The following ASTN1 variants were observed in gnomAD, a reference collection of about 807,000 sequenced individuals.
ASTN1 encodes astrotactin 1.
Under a neutral mutation model 140.7 loss-of-function variants are expected in ASTN1, and 41 were observed. The ratio of observed to expected loss-of-function variants is 0.29; its 90% CI spans 0.23 to 0.38. The LOEUF is 0.38. Ranked by LOEUF, ASTN1 falls within the 10% of genes least tolerant of loss-of-function variation. The pLI, the probability that ASTN1 is intolerant of heterozygous loss-of-function variation, is 1.00. For missense variants in ASTN1, 1,479 were observed against 1,678.8 expected (o/e 0.88, Z 2.08); for synonymous variants, 640 against 652.2 (o/e 0.98, Z 0.29).
intron 1 of ASTN1, among the ~76,000 whole-genome samples, chr1:177,131,358 A>G (rs1052419466): frequency 1.3e-5 from 2 of 152,194 alleles, no homozygotes; most frequent in African/African-American, 4.8e-5. Context: ...GCAAAAAAAA[A>G]GTGAAATTTC....
chr1:177,124,238 C>T (rs866393413), intron 1 of ASTN1, among the ~76,000 whole-genome samples: 11 of 152,182 alleles, frequency 7.2e-5, no homozygotes, highest in African/African-American at 1.4e-4. Context: ...GGCAGTGGAG[C>T]GTCTACTCTA....
chr1:176,884,407 T>C lies in ASTN1; in HGVS notation c.3158A>G (p.Gln1053Arg). 6.2e-7 allele frequency: 1 copy of C among 1,614,224 alleles called. No individual in the cohort carries two copies. The highest frequency in any genetic ancestry group is 8.5e-7 in the Non-Finnish European group (1 of 1,180,030). Residue 1053 changes from glutamine (Q) to arginine (R), a missense_variant, in exon 19 of 23, where the codon CAG becomes CGG. By Grantham distance (43) the Gln-to-Arg change is conservative (BLOSUM62 1). Coordinates refer to ENST00000361833, the MANE Select transcript of ASTN1 (RefSeq NM_004319.3). ...WEHSEPPIGV[Q>R]IVDYLLRQEK... ...TTGACGGAGGAGGTAATCTACAATC[T>C]GCACCCCGATTGGTGGCTCTGAGTG... is the stretch of plus-strand genomic sequence containing the variant.
chr1:176,968,642 T>A (rs115450399), intron 8 of ASTN1, among the ~76,000 whole-genome samples: 1 of 152,334 alleles, frequency 6.6e-6, no homozygotes, highest in Non-Finnish European at 1.5e-5. Context: ...CCTAATTTCT[T>A]CCCTCTAGTC....
At chr1:176,935,353 G>A (rs1671397232) in intron 15 of ASTN1, among the ~76,000 whole-genome samples, 1 of 152,170 alleles carries the variant, frequency 6.6e-6, no homozygotes, top group Non-Finnish European at 1.5e-5. Context: ...TATGTAAATG[G>A]AGTAAAGTCT....
chr1:176,996,285 T>A (rs1413583087), intron 8 of ASTN1, among the ~76,000 whole-genome samples: 1,629 of 121,900 alleles, frequency 0.013, 36 homozygotes, highest in African/African-American at 0.044. Flanking sequence ...TCTCTCTCTC[T>A]CTCTCACACA....
intron 1 of ASTN1, among the ~76,000 whole-genome samples, chr1:177,070,101 G>A (rs1678565060): frequency 2.0e-5 from 3 of 152,154 alleles, no homozygotes; most frequent in South Asian, 4.1e-4. Context: ...ACATTGTAAT[G>A]AGAATAAGTC....
Position 176,861,411 on chromosome 1 carries a change from T to G in ASTN1, c.*2873A>C, listed in dbSNP as rs1001103351. On this transcript the variant is annotated 3_prime_UTR_variant, in exon 23 of 23. Transcript: ENST00000361833. Reference sequence around the variant, plus strand: ...GAGCTGGGAGAGTGTTGGTGGGATATAAGCACCTCCCTTAAGACCTGTTTG... The same window carrying G: ...GAGCTGGGAGAGTGTTGGTGGGATAGAAGCACCTCCCTTAAGACCTGTTTG... The G allele has an allele frequency of 3.1e-5, 31 of 985,704 alleles. No individual in the cohort carries two copies. The highest frequency in any genetic ancestry group is 3.6e-5 in the Non-Finnish European group (30 of 829,930). 61.1% of individuals were successfully genotyped at this position (985,704 alleles called of 1,614,324 possible).
At chr1:177,136,946 T>A (rs1433630350) in intron 1 of ASTN1, among the ~76,000 whole-genome samples, 2 of 152,228 alleles carry the variant, frequency 1.3e-5, no homozygotes, top group Admixed American at 6.5e-5. Flanking sequence ...TAATCCTTTG[T>A]TGTGTGGGCT....
intron 16 of ASTN1, 96 bp from the exon 17 acceptor site, chr1:176,894,926 G>T: frequency 1.3e-6 from 2 of 1,516,532 alleles, no homozygotes; most frequent in Non-Finnish European, 1.8e-6. Context: ...CAATCTTTGG[G>T]ATCAGAAACA....
At chr1:177,033,358 C>T (rs1351419720) in intron 2 of ASTN1, among the ~76,000 whole-genome samples, 1 of 152,100 alleles carries the variant, frequency 6.6e-6, no homozygotes, top group African/African-American at 2.4e-5. Context: ...TTCTAAACCT[C>T]GGATACGTCA....
intron 17 of ASTN1, among the ~76,000 whole-genome samples, chr1:176,893,199 C>A (rs544358107): frequency 1.2e-4 from 18 of 152,314 alleles, no homozygotes; most frequent in Admixed American, 6.5e-4. Context: ...TTTGCATGAA[C>A]TCTCTGATCC....
chr1:177,082,391 C>A (rs1679223210), intron 1 of ASTN1, among the ~76,000 whole-genome samples: 1 of 152,168 alleles, frequency 6.6e-6, no homozygotes, highest in Non-Finnish European at 1.5e-5. Context: ...TGTCTCATTC[C>A]ATGCTCTTTT....
intron 22 of ASTN1, among the ~76,000 whole-genome samples, chr1:176,867,418 T>A (rs1668165640): frequency 6.6e-6 from 1 of 152,066 alleles, no homozygotes; most frequent in South Asian, 2.1e-4. Flanking sequence ...ATATTAGGAA[T>A]GAGTAAGAAT....
intron 2 of ASTN1, among the ~76,000 whole-genome samples, chr1:177,048,126 G>C (rs1435672022): frequency 6.6e-6 from 1 of 152,164 alleles, no homozygotes; most frequent in Non-Finnish European, 1.5e-5. Context: ...AATCAAGCCT[G>C]ATCAAAGAGG....
rs138201239 is a variant in ASTN1, at chr1:177,040,844, G to A, written c.472-7995C>T. 9.7e-3 allele frequency among the ~76,000 whole-genome samples: 1,482 copies of A among 152,280 alleles called. 23 individuals are homozygous for A. The highest frequency in any genetic ancestry group is 0.032 in the African/African-American group (1,337 of 41,548). ...CTAATGAGAGCCTGAAGCCCTACAG[G>A]GACAGTGGTTGGAGGCTAGTGTGCT... On this transcript the variant is annotated intron_variant, in intron 2 of 22. Coordinates refer to ENST00000361833, the MANE Select transcript of ASTN1 (RefSeq NM_004319.3).
intron 2 of ASTN1, among the ~76,000 whole-genome samples, chr1:177,057,503 G>A (rs1363800294): frequency 1.3e-5 from 2 of 152,282 alleles, no homozygotes; most frequent in East Asian, 3.9e-4. Flanking sequence ...TACAAAATGA[G>A]AGAAATGTAA....
At chr1:177,126,060 C>A (rs771195487) in intron 1 of ASTN1, among the ~76,000 whole-genome samples, 1 of 152,188 alleles carries the variant, frequency 6.6e-6, no homozygotes, top group Non-Finnish European at 1.5e-5. Context: ...TTAATCTGTC[C>A]TTACATTAAA....
intron 4 of ASTN1, 60 bp from the exon 5 acceptor site, chr1:177,029,801 C>A (rs1676332371): frequency 2.0e-6 from 3 of 1,464,788 alleles, no homozygotes; most frequent in African/African-American, 2.8e-5. Context: ...TGACACCAAA[C>A]CTTTGGGCAA....
rs369699065 is a variant in ASTN1, at chr1:176,894,543, A to G, written c.2940+19T>C. 5 of 1,611,256 alleles carry G rather than the reference A, an allele frequency of 3.1e-6. No homozygotes were observed. The African/African-American group carries it at 6.7e-5, about 22-fold the overall frequency. ...TTGTGGTTGACGCCTCCCAGAGCCA[A>G]GAGTCCCAGGCCTCTTACCCTCTGG... On this transcript the variant is annotated intron_variant, in intron 17 of 22. Coordinates refer to ENST00000361833, the MANE Select transcript of ASTN1 (RefSeq NM_004319.3).
Sources: gnomAD v4.1 joint callset for allele counts (sites outside exome capture counted in the v4.1 genomes callset) on GRCh38, gnomAD v4.1.1 for gene constraint, MANE v1.5 for transcripts, NCBI Gene and HGNC (gene_info 2026-07-23, HGNC 2026-07-21) for gene names.